Variants in PRDM16 observed in about 807,000 individuals in gnomAD.
PRDM16 encodes histone-lysine N-methyltransferase PRDM16.
In PRDM16, 23 loss-of-function variants were observed where a neutral mutation model predicts 110.6. The observed-to-expected ratio is 0.21, with a 90% CI of 0.15 to 0.29. The LOEUF (loss-of-function observed/expected upper bound fraction) is 0.29. Among genes scored for constraint, PRDM16 ranks in the 10% least tolerant of loss-of-function variants. The probability of loss-of-function intolerance (pLI) is 1.00; values close to 1 mark genes in which losing one functional copy is unlikely to be tolerated. For synonymous variants in PRDM16, 799 were observed against 781.8 expected (o/e 1.02, Z -0.37); for missense variants, 1,615 against 1,794.3 (o/e 0.90, Z 1.81).
At chr1:3,127,727 G>A (rs1373178786) in intron 1 of PRDM16, among the ~76,000 whole-genome samples, 1 of 152,246 alleles carries the variant, frequency 6.6e-6, no homozygotes, top group Admixed American at 6.5e-5. Flanking sequence ...GGCCCGGCCT[G>A]AATCTCTGAG....
intron 8 of PRDM16, among the ~76,000 whole-genome samples, chr1:3,408,843 G>C (rs746115733): frequency 9.5e-6 from 1 of 105,328 alleles, no homozygotes; most frequent in African/African-American, 4.9e-5. Flanking sequence ...TGTGTTGGAG[G>C]ATGTGAGAGC....
chr1:3,396,754 C>T (rs756137324), intron 5 of PRDM16, among the ~76,000 whole-genome samples, 161 bp downstream of exon 5: 2 of 152,192 alleles, frequency 1.3e-5, no homozygotes, highest in South Asian at 4.1e-4. Flanking sequence ...TTTTGCAGAC[C>T]TCAGGCCAGC....
At position 3,287,793 on chromosome 1, in the gene PRDM16, G is replaced by A. The variant is rs369498472; in HGVS notation, c.438+43656G>A. ...GATTGCATTTACCGGGGCTGGAGCC[G>A]CCCCCTGCCACGTGGGCATCCAGGA... On this transcript the variant is annotated intron_variant, in intron 3 of 16. Coordinates refer to ENST00000270722, the MANE Select transcript of PRDM16 (RefSeq NM_022114.4). Among the ~76,000 whole-genome samples, 9 of 135,850 alleles carry A rather than the reference G, an allele frequency of 6.6e-5. No homozygotes were observed. The East Asian group carries it at 1.3e-3, about 19-fold the overall frequency. 89.1% of individuals were successfully genotyped at this position (135,850 alleles called of 152,430 possible). A position where few individuals can be genotyped will look rare whatever the true frequency, so the allele number is the denominator to read the frequency against.
intron 1 of PRDM16, among the ~76,000 whole-genome samples, chr1:3,129,716 C>T (rs1643294408): frequency 1.3e-5 from 2 of 152,182 alleles, no homozygotes; most frequent in South Asian, 4.1e-4. Flanking sequence ...TAGCACTGCC[C>T]AGACCCTGTA....
rs577420459 is a variant in PRDM16, at chr1:3,422,409, C to T, written c.2940-3172C>T. ...CAGTCAGGCAGGCAGACAGATTGGG[C>T]TGCCTCAACATGCCAGAGGGGCACA... On this transcript the variant is annotated intron_variant, in intron 12 of 16. Coordinates refer to ENST00000270722, the MANE Select transcript of PRDM16 (RefSeq NM_022114.4). 2.0e-5 allele frequency among the ~76,000 whole-genome samples: 3 copies of T among 152,198 alleles called. No individual in the cohort carries two copies. The East Asian group carries it at 5.8e-4, about 29-fold the overall frequency.
intron 1 of PRDM16, among the ~76,000 whole-genome samples, chr1:3,156,388 C>T (rs891704908): frequency 2.0e-5 from 3 of 152,140 alleles, no homozygotes; most frequent in African/African-American, 7.2e-5. Flanking sequence ...CCTCTCTCTG[C>T]CTGCGGAGGT....
chr1:3,331,351 G>A lies in PRDM16; in HGVS notation c.439-53801G>A, dbSNP rs1335745012. On this transcript the variant is annotated intron_variant, in intron 3 of 16. Transcript: ENST00000270722. ...ATTCCTAGCAACCCCCTTCATCCCC[G>A]AGTCCATTGATGAATGGACCCTCTC... Among the ~76,000 whole-genome samples, 7 of 151,952 alleles carry A rather than the reference G, an allele frequency of 4.6e-5. No homozygotes were observed. The East Asian group carries it at 5.8e-4, about 13-fold the overall frequency.
At chr1:3,131,459 C>A (rs921951844) in intron 1 of PRDM16, among the ~76,000 whole-genome samples, 4 of 152,114 alleles carry the variant, frequency 2.6e-5, no homozygotes. Flanking sequence ...TTTTGTAGTT[C>A]CATTCACAGA....
chr1:3,240,718 T>G (rs1168707054), intron 2 of PRDM16, among the ~76,000 whole-genome samples: 1 of 152,200 alleles, frequency 6.6e-6, no homozygotes, highest in Non-Finnish European at 1.5e-5. Context: ...TGAGCCCCCC[T>G]GGGGCGGCGC....
intron 4 of PRDM16, among the ~76,000 whole-genome samples, chr1:3,388,308 CTCTG>C: frequency 6.6e-6 from 1 of 152,260 alleles, no homozygotes; most frequent in East Asian, 1.9e-4. Flanking sequence ...CTCTCTCTTT[CTCTG>C]TCTCTCTCTT....
chr1:3,250,283 G>A (rs1003683922), intron 3 of PRDM16, among the ~76,000 whole-genome samples: 25 of 152,134 alleles, frequency 1.6e-4, no homozygotes, highest in Non-Finnish European at 3.2e-4. Flanking sequence ...GCCGGCCCTG[G>A]GTGGACTCTG....
chr1:3,291,041 G>T (rs1640962057), intron 3 of PRDM16, among the ~76,000 whole-genome samples: 1 of 151,904 alleles, frequency 6.6e-6, no homozygotes, highest in African/African-American at 2.4e-5. Flanking sequence ...GAGGAGAGAT[G>T]CAGGAGGATC....
chr1:3,197,003 G>A (rs1338452619), intron 2 of PRDM16, among the ~76,000 whole-genome samples: 1 of 152,164 alleles, frequency 6.6e-6, no homozygotes, highest in Non-Finnish European at 1.5e-5. Flanking sequence ...AGGCTGGGGG[G>A]TGAGCTTCAC....
At chr1:3,095,928 A>G (rs570783324) in intron 1 of PRDM16, among the ~76,000 whole-genome samples, 1 of 152,050 alleles carries the variant, frequency 6.6e-6, no homozygotes, top group East Asian at 1.9e-4. Context: ...TCAGCATCTG[A>G]CAGGGGTCTG....
chr1:3,415,568 G>A (rs551239646), intron 10 of PRDM16, among the ~76,000 whole-genome samples: 22 of 152,382 alleles, frequency 1.4e-4, no homozygotes, highest in African/African-American at 5.3e-4. Flanking sequence ...CCTCGGGATG[G>A]GCTGGAAAGA....
Position 3,390,598 on chromosome 1 carries a change from G to C in PRDM16, c.573+5312G>C, listed in dbSNP as rs995448063. Among the ~76,000 whole-genome samples the C allele has an allele frequency of 6.6e-6, 1 of 152,226 alleles. No homozygotes were observed. Among genetic ancestry groups the C allele is most frequent in the African/African-American group, 2.4e-5 (1 of 41,556 alleles). On this transcript the variant is annotated intron_variant, in intron 4 of 16. Coordinates refer to ENST00000270722, the MANE Select transcript of PRDM16 (RefSeq NM_022114.4). The surrounding 1 kb of genome is among the most constrained non-coding windows in gnomAD (Gnocchi z 5.0). Reference sequence around the variant, plus strand: ...TGGCCGCCGGTGGCCAGGCAGCACCGCGTGGACAAGAGCCCGCGCGGGTTG... The same window carrying C: ...TGGCCGCCGGTGGCCAGGCAGCACCCCGTGGACAAGAGCCCGCGCGGGTTG...
intron 3 of PRDM16, among the ~76,000 whole-genome samples, chr1:3,364,667 G>T (rs555071596): frequency 6.6e-6 from 1 of 152,208 alleles, no homozygotes; most frequent in Admixed American, 6.5e-5. Context: ...ATTTGCTGCC[G>T]GGCAGTGACT....
At chr1:3,377,347 G>A (rs545161333) in intron 3 of PRDM16, among the ~76,000 whole-genome samples, 13 of 152,322 alleles carry the variant, frequency 8.5e-5, no homozygotes, top group African/African-American at 2.6e-4. Context: ...TGGATGCTGC[G>A]GCGTTCCCAC....
At chr1:3,297,529 C>A (rs1641116781) in intron 3 of PRDM16, among the ~76,000 whole-genome samples, 1 of 152,090 alleles carries the variant, frequency 6.6e-6, no homozygotes, top group Non-Finnish European at 1.5e-5. Context: ...GGTGATCCAC[C>A]CACCTCAGTC....
Sources: gnomAD v4.1 joint callset for allele counts (sites outside exome capture counted in the v4.1 genomes callset) on GRCh38, gnomAD v4.1.1 for gene constraint, Gnocchi (gnomAD v3.1) non-coding constraint, MANE v1.5 for transcripts, NCBI Gene and HGNC (gene_info 2026-07-23, HGNC 2026-07-21) for gene names.